Variants in ACTG1 observed in about 807,000 individuals in gnomAD.
ACTG1 encodes the protein actin, cytoplasmic 2.
Under a neutral mutation model 34.3 loss-of-function variants are expected in ACTG1, and 14 were observed. The ratio of observed to expected loss-of-function variants is 0.41; its 90% CI spans 0.27 to 0.64. The LOEUF is 0.64. ACTG1 is among the 30% of genes least tolerant of loss of function. The pLI is 0.33. For missense variants in ACTG1, 233 were observed against 529.5 expected, an observed-to-expected ratio of 0.44 and a Z score of 5.50; for synonymous variants, 422 against 213.9, an observed-to-expected ratio of 1.97 and a Z score of -8.49.
At chr17:81,512,431 C>T (rs546000843) in intron 1 of ACTG1, 71 bp from the exon 2 acceptor site, 3 of 1,612,348 alleles carry the variant, frequency 1.9e-6, no homozygotes, top group East Asian at 2.2e-5. Flanking sequence ...CACCTAATGC[C>T]CTCCCGCGGG....
rs547755636 is a variant in ACTG1 at position 81,512,784 on chromosome 17, G to C, written c.-57C>G. 43 of 410,798 alleles carry C rather than the reference G, an allele frequency of 1.0e-4. No individual in the cohort carries two copies. The highest frequency in any genetic ancestry group is 8.8e-4 in the African/African-American group (40 of 45,702). 25.4% of individuals were successfully genotyped at this position (410,798 alleles called of 1,614,324 possible). On this transcript the variant is annotated 5_prime_UTR_variant, in exon 1 of 6. Coordinates refer to ENST00000573283, the MANE Select transcript of ACTG1 (RefSeq NM_001614.5). The stretch of plus-strand genomic sequence containing the variant: ...GGCGGAAGAACAGAGTGCGAGAGCT[G>C]GCAGCGGCGACTGAGACCGACCGCG...
intron 3 of ACTG1, 57 bp from the exon 4 acceptor site, chr17:81,511,683 C>T (rs2031790741): frequency 3.8e-6 from 6 of 1,566,336 alleles, no homozygotes; most frequent in African/African-American, 2.7e-5. Context: ...CCACCCCATG[C>T]TCACACGCCA....
rs374818782 is a variant in ACTG1, at chr17:81,511,645, C to G, written c.364-19G>C. On this transcript the variant is annotated intron_variant, in intron 3 of 5. Coordinates refer to ENST00000573283, the MANE Select transcript of ACTG1 (RefSeq NM_001614.5). ...ACATAATCTGAGAAGGGACAAGGGG[C>G]GGCTTAGTCAGGGACAGAGACCCAC... 11 of 1,609,700 alleles carry G rather than the reference C, an allele frequency of 6.8e-6. No homozygotes were observed. The African/African-American group carries it at 1.1e-4, about 16-fold the overall frequency.
chr17:81,510,381 G>A lies in ACTG1; in HGVS notation c.*309C>T, dbSNP rs1216157446. The A allele has an allele frequency of 2.1e-6, 1 of 485,190 alleles. No individual in the cohort carries two copies. The highest frequency in any genetic ancestry group is 3.9e-6 in the Non-Finnish European group (1 of 258,580). 30.1% of individuals were successfully genotyped at this position (485,190 alleles called of 1,614,324 possible). On this transcript the variant is annotated 3_prime_UTR_variant, in exon 6 of 6. Coordinates refer to ENST00000573283, the MANE Select transcript of ACTG1 (RefSeq NM_001614.5). ...CACAGACTCACCAAGCCACAGACTT[G>A]TCTTCCACAAGCACGTTCTTACCTT...
At position 81,512,280 on chromosome 17, in the gene ACTG1, G is replaced by A. The variant is rs782460937; in HGVS notation, c.75C>T (p.Asp25=). 9.9e-6 allele frequency: 16 copies of A among 1,613,770 alleles called. No individual in the cohort carries two copies. The highest frequency in any genetic ancestry group is 1.2e-5 in the Non-Finnish European group (14 of 1,179,956). ...TGGAAGGAAACACGGCTCGGGGAGC[G>A]TCGTCCCCAGCAAAACCAGCTTTGC... ...GMCKAGFAGD[D]APRAVFPSIV... Residue 25 remains aspartate (D), a synonymous_variant, in exon 2 of 6, where the codon GAC becomes GAT. Coordinates refer to ENST00000573283, the MANE Select transcript of ACTG1 (RefSeq NM_001614.5).
chr17:81,510,164 AGCAAGTAACAGCCCACGGTGTTCTG>A lies in ACTG1; in HGVS notation c.*501_*525del. 1 of 505,824 alleles carries A rather than the reference AGCAAGTAACAGCCCACGGTGTTCTG, an allele frequency of 2.0e-6. No homozygotes were observed. The highest frequency in any genetic ancestry group is 3.7e-6 in the Non-Finnish European group (1 of 273,710). 31.3% of individuals were successfully genotyped at this position (505,824 alleles called of 1,614,324 possible). On this transcript the variant is annotated 3_prime_UTR_variant, in exon 6 of 6. Transcript: ENST00000573283. Reference sequence around the variant, plus strand: ...TAAATGCAAACCGCTTCCAACTCAAAGCAAGTAACAGCCCACGGTGTTCTGGCCAAAGACATCAGCTAAGAAAGGA... The same window carrying A: ...TAAATGCAAACCGCTTCCAACTCAAAGCCAAAGACATCAGCTAAGAAAGGA...
chr17:81,510,835 T>TG lies in ACTG1; in HGVS notation c.985-3dup. ...CTTGCGCTCTGGGGGTGCGATGATC[T>TG]GCAAAGACAGCCAGGCACGGCTTCA... is the stretch of plus-strand genomic sequence containing the variant. On this transcript the variant is annotated splice_region_variant and splice_polypyrimidine_tract_variant and intron_variant, in intron 5 of 5. Transcript: ENST00000573283. The TG allele has an allele frequency of 6.2e-7, 1 of 1,613,646 alleles. No individual in the cohort carries two copies. Among genetic ancestry groups the TG allele is most frequent in the Non-Finnish European group, 8.5e-7 (1 of 1,179,952 alleles).
chr17:81,510,128 A>G lies in ACTG1; in HGVS notation c.*562T>C, dbSNP rs1420554849. Reference sequence around the variant, plus strand: ...CCTTACATAAATTAAGAATGAATACATTTACAGGCGTAAATGCAAACCGCT... The same window carrying G: ...CCTTACATAAATTAAGAATGAATACGTTTACAGGCGTAAATGCAAACCGCT... On this transcript the variant is annotated 3_prime_UTR_variant, in exon 6 of 6. Transcript: ENST00000573283. 4 of 470,538 alleles carry G rather than the reference A, an allele frequency of 8.5e-6. No individual in the cohort carries two copies. Among genetic ancestry groups the G allele is most frequent in the East Asian group, 6.9e-5 (1 of 14,502 alleles). The allele number at this position is 470,538 out of a possible 1,614,324, so 29.1% of individuals were successfully genotyped here. A position where few individuals can be genotyped will look rare whatever the true frequency, so the allele number is the denominator to read the frequency against.
rs576214455 is a variant in ACTG1, at chr17:81,511,585, G to A, written c.405C>T (p.Ala135=). The part of the protein sequence containing the change: ...ETFNTPAMYV[A]IQAVLSLYAS... The stretch of plus-strand genomic sequence containing the variant: ...CGTAGAGGGACAGCACGGCCTGGAT[G>A]GCCACGTACATGGCCGGGGTGTTGA... Residue 135 remains alanine, a synonymous_variant, in exon 4 of 6, where the codon GCC becomes GCT. Coordinates refer to ENST00000573283, the MANE Select transcript of ACTG1 (RefSeq NM_001614.5). 55 of 1,613,778 alleles carry A rather than the reference G, an allele frequency of 3.4e-5. 1 individual carries two copies. In the South Asian group the frequency reaches 4.0e-4, roughly 12 times the overall value.
chr17:81,512,462 A>T, intron 1 of ACTG1, 102 bp from the exon 2 acceptor site: 1 of 1,591,608 alleles, frequency 6.3e-7, no homozygotes, highest in South Asian at 1.1e-5. Context: ...CCCTGCCCCA[A>T]CCCCAGCGGC....
Position 81,510,038 on chromosome 17 carries a change from T to G in ACTG1, c.*652A>C, listed in dbSNP as rs1555665985. The G allele has an allele frequency of 6.7e-6, 3 of 449,632 alleles. No homozygotes were observed. Among genetic ancestry groups the G allele is most frequent in the Non-Finnish European group, 1.3e-5 (3 of 224,340 alleles). 27.9% of individuals were successfully genotyped at this position (449,632 alleles called of 1,614,324 possible). ...GTTGCTGGGGCCTAATGTTCTCACA[T>G]AACAGTAGAAAACCAAAATTTGTTG... On this transcript the variant is annotated 3_prime_UTR_variant, in exon 6 of 6. Transcript: ENST00000573283.
chr17:81,511,668 C>A (rs1555666860), intron 3 of ACTG1, 42 bp from the exon 4 acceptor site: 2 of 1,590,356 alleles, frequency 1.3e-6, no homozygotes, highest in South Asian at 1.1e-5. Flanking sequence ...GACAGAGACC[C>A]ACGGCCACCC....
rs1555667248 is a variant in ACTG1 at position 81,512,295 on chromosome 17, A to G, written c.60T>C (p.Gly20=). 1 of 1,613,674 alleles carries G rather than the reference A, an allele frequency of 6.2e-7. No individual in the cohort carries two copies. Among genetic ancestry groups the G allele is most frequent in the African/African-American group, 1.3e-5 (1 of 74,840 alleles). Residue 20 remains glycine (G), a synonymous_variant, in exon 2 of 6, where the codon GGT becomes GGC. Coordinates refer to ENST00000573283, the MANE Select transcript of ACTG1 (RefSeq NM_001614.5). ...CTCGGGGAGCGTCGTCCCCAGCAAA[A>G]CCAGCTTTGCACATGCCGGAGCCAT... ...IDNGSGMCKA[G]FAGDDAPRAV...
rs1555666580 is a variant in ACTG1 at position 81,511,178 on chromosome 17, C to T, written c.802+10G>A. On this transcript the variant is annotated intron_variant, in intron 4 of 5. Transcript: ENST00000573283. ...TGTAAGAGTAGAAACCTTTAGCTCACAACACCTACCCAGGAAGGAAGGCTG... is the reference window on the plus strand; with the variant it reads ...TGTAAGAGTAGAAACCTTTAGCTCATAACACCTACCCAGGAAGGAAGGCTG... 3.7e-6 allele frequency: 6 copies of T among 1,613,594 alleles called. No homozygotes were observed. Among genetic ancestry groups the T allele is most frequent in the Non-Finnish European group, 1.7e-6 (2 of 1,180,028 alleles).
At chr17:81,511,827 A>T (rs782443393) in intron 3 of ACTG1, 76 bp downstream of exon 3, 7 of 1,607,052 alleles carry the variant, frequency 4.4e-6, no homozygotes, top group Non-Finnish European at 6.0e-6. Context: ...AGAAACACTT[A>T]AATGTCAGAA....
Position 81,510,280 on chromosome 17 carries a change from G to A in ACTG1, c.*410C>T, listed in dbSNP as rs782444248. The A allele has an allele frequency of 4.0e-6, 2 of 499,922 alleles. No individual in the cohort carries two copies. Among genetic ancestry groups the A allele is most frequent in the Middle Eastern group, 1.3e-3 (2 of 1,498 alleles). 31.0% of individuals were successfully genotyped at this position (499,922 alleles called of 1,614,324 possible). A position where few individuals can be genotyped will look rare whatever the true frequency, so the allele number is the denominator to read the frequency against. On this transcript the variant is annotated 3_prime_UTR_variant, in exon 6 of 6. Transcript: ENST00000573283. ...CCGCAAGACAAAACAACTGGTTCTT[G>A]CCAGCCTCTAGAGAAATCCCAGAAC...
In ACTG1 at chr17:81,512,150, G is replaced by C; in HGVS notation, c.124-8C>G. 1 of 1,613,506 alleles carries C rather than the reference G, an allele frequency of 6.2e-7. No homozygotes were observed. Among genetic ancestry groups the C allele is most frequent in the Non-Finnish European group, 8.5e-7 (1 of 1,180,026 alleles). On this transcript the variant is annotated splice_region_variant and splice_polypyrimidine_tract_variant and intron_variant, in intron 2 of 5. Transcript: ENST00000573283. ...CATGCCCACCATGACGCCCTGCAGG[G>C]GACGACCCGTCAGCCTCGCCGGCGA...
chr17:81,510,159 C>A lies in ACTG1; in HGVS notation c.*531G>T, dbSNP rs1555666041. On this transcript the variant is annotated 3_prime_UTR_variant, in exon 6 of 6. Transcript: ENST00000573283. ...AGGCGTAAATGCAAACCGCTTCCAA[C>A]TCAAAGCAAGTAACAGCCCACGGTG... is the stretch of plus-strand genomic sequence containing the variant. The A allele has an allele frequency of 2.0e-6, 1 of 511,980 alleles. No homozygotes were observed. The highest frequency in any genetic ancestry group is 2.3e-5 in the Admixed American group (1 of 42,582). The allele number at this position is 511,980 out of a possible 1,614,324, so 31.7% of individuals were successfully genotyped here.
In ACTG1 at chr17:81,510,650, T is replaced by G; in HGVS notation, c.*40A>C. 6.2e-7 allele frequency: 1 copy of G among 1,612,746 alleles called. No homozygotes were observed. Among genetic ancestry groups the G allele is most frequent in the Non-Finnish European group, 8.5e-7 (1 of 1,179,738 alleles). On this transcript the variant is annotated 3_prime_UTR_variant, in exon 6 of 6. Coordinates refer to ENST00000573283, the MANE Select transcript of ACTG1 (RefSeq NM_001614.5). ...GCCAGGGGCAAATTTCTATTCTCAA[T>G]TAACCCATGCAGCAAATGCTACGCA...
Sources: gnomAD v4.1 joint callset for allele counts on GRCh38, gnomAD v4.1.1 for gene constraint, MANE v1.5 for transcripts, NCBI Gene and HGNC (gene_info 2026-07-23, HGNC 2026-07-21) for gene names.